The following NRG3 variants were observed in gnomAD, a reference collection of about 807,000 sequenced individuals.
NRG3 encodes the protein pro-neuregulin-3, membrane-bound isoform.
NRG3 carries 31 observed loss-of-function variants against 66.9 expected under a neutral mutation model. The observed-to-expected ratio is 0.46, with a 90% CI of 0.35 to 0.63. The LOEUF is 0.63. NRG3 is among the 20% of genes least tolerant of loss of function. NRG3 has a pLI of 0.00. For missense variants in NRG3, 910 were observed against 878.9 expected (o/e 1.04, Z -0.45); for synonymous variants, 393 against 359.4 (o/e 1.09, Z -1.06).
intron 1 of NRG3, among the ~76,000 whole-genome samples, chr10:82,354,784 C>T (rs1378176208): frequency 1.3e-5 from 2 of 152,146 alleles, no homozygotes; most frequent in African/African-American, 2.4e-5. Context: ...CTGCTCTGCT[C>T]AGTGGAAGCA....
At chr10:82,165,419 A>T (rs1389178334) in intron 1 of NRG3, among the ~76,000 whole-genome samples, 3 of 152,082 alleles carry the variant, frequency 2.0e-5, no homozygotes, top group Non-Finnish European at 4.4e-5. Context: ...GAATAGTGCA[A>T]TTTATAATAA....
intron 2 of NRG3, among the ~76,000 whole-genome samples, chr10:82,542,650 T>A (rs181206070): frequency 5.6e-4 from 85 of 152,310 alleles, no homozygotes; most frequent in African/African-American, 1.9e-3. Flanking sequence ...AAACTAAATC[T>A]TGGAACAGCT....
chr10:82,408,936 T>A (rs890869259), intron 2 of NRG3, among the ~76,000 whole-genome samples: 4 of 152,192 alleles, frequency 2.6e-5, no homozygotes, highest in Non-Finnish European at 5.9e-5. Context: ...GAATTTCATT[T>A]TAATAAGTGA....
At chr10:82,747,853 A>G (rs1249451412) in intron 3 of NRG3, among the ~76,000 whole-genome samples, 1 of 151,878 alleles carries the variant, frequency 6.6e-6, no homozygotes, top group Non-Finnish European at 1.5e-5. Flanking sequence ...AGTAGTTCAT[A>G]TGGGCTAATG....
chr10:82,455,887 G>A (rs905877214), intron 2 of NRG3, among the ~76,000 whole-genome samples: 2 of 151,916 alleles, frequency 1.3e-5, no homozygotes, highest in Non-Finnish European at 2.9e-5. Context: ...CAAAGTGCTG[G>A]GAGTACAGGC....
Position 82,600,081 on chromosome 10 carries a change from A to G in NRG3, c.954-138496A>G, listed in dbSNP as rs1168266845. 2.6e-5 allele frequency among the ~76,000 whole-genome samples: 4 copies of G among 152,162 alleles called. No individual in the cohort carries two copies. The East Asian group carries it at 7.7e-4, about 29-fold the overall frequency. On this transcript the variant is annotated intron_variant, in intron 2 of 8. Coordinates refer to ENST00000372141, the MANE Select transcript of NRG3 (RefSeq NM_001010848.4). ...TGTTTACATGATCTAATTGATTGTT[A>G]AGCATCTAGTATAAATTTGTTGAAA... is the stretch of plus-strand genomic sequence containing the variant.
At chr10:82,939,758 G>A (rs1220075670) in intron 4 of NRG3, among the ~76,000 whole-genome samples, 6 of 151,846 alleles carry the variant, frequency 4.0e-5, no homozygotes, top group Non-Finnish European at 5.9e-5. Flanking sequence ...TGTGAGCCAC[G>A]GCGCCCCACC....
intron 2 of NRG3, among the ~76,000 whole-genome samples, chr10:82,637,455 T>C (rs772522432): frequency 3.3e-5 from 5 of 152,180 alleles, no homozygotes; most frequent in Non-Finnish European, 5.9e-5. Flanking sequence ...TGAATCTACA[T>C]TGAAGAGGCC....
At chr10:82,194,562 G>A (rs946459902) in intron 1 of NRG3, among the ~76,000 whole-genome samples, 1 of 152,046 alleles carries the variant, frequency 6.6e-6, no homozygotes, top group Non-Finnish European at 1.5e-5. Context: ...GTGACAGTAG[G>A]AGGACTGCTG....
intron 1 of NRG3, among the ~76,000 whole-genome samples, chr10:82,087,128 G>T (rs947408377): frequency 5.9e-5 from 9 of 152,172 alleles, no homozygotes; most frequent in African/African-American, 2.2e-4. Flanking sequence ...GTAAAAAGCA[G>T]TTCTGATAGA....
chr10:82,067,439 C>G (rs2064545177), intron 1 of NRG3, among the ~76,000 whole-genome samples: 1 of 152,192 alleles, frequency 6.6e-6, no homozygotes, highest in Non-Finnish European at 1.5e-5. Context: ...ACCTTCTCTC[C>G]CCGGTTCAAG....
At chr10:82,519,418 A>C (rs914551342) in intron 2 of NRG3, among the ~76,000 whole-genome samples, 3 of 152,190 alleles carry the variant, frequency 2.0e-5, no homozygotes, top group African/African-American at 7.2e-5. Context: ...TTGTTCTGAA[A>C]ATTTAGCAAT....
intron 2 of NRG3, among the ~76,000 whole-genome samples, chr10:82,403,710 C>T (rs1056868940): frequency 6.6e-6 from 1 of 152,110 alleles, no homozygotes; most frequent in South Asian, 2.1e-4. Flanking sequence ...GTGCAGAATT[C>T]TTTGTCGAGT....
chr10:82,276,357 C>T (rs768186007), intron 1 of NRG3, among the ~76,000 whole-genome samples: 2 of 151,950 alleles, frequency 1.3e-5, no homozygotes, highest in Non-Finnish European at 2.9e-5. Flanking sequence ...AAATGTACTT[C>T]TTATTCTCAA....
chr10:82,121,786 G>C (rs1164267751), intron 1 of NRG3, among the ~76,000 whole-genome samples: 1 of 152,076 alleles, frequency 6.6e-6, no homozygotes. Context: ...TGGGACTACA[G>C]GTACATGCCT....
At chr10:82,561,426 C>T (rs963075601) in intron 2 of NRG3, among the ~76,000 whole-genome samples, 6 of 152,236 alleles carry the variant, frequency 3.9e-5, no homozygotes, top group South Asian at 2.1e-4. Context: ...CTGAGGTGGA[C>T]GGATCCCCTG....
chr10:82,548,867 G>T (rs764385616), intron 2 of NRG3, among the ~76,000 whole-genome samples: 1 of 152,174 alleles, frequency 6.6e-6, no homozygotes, highest in African/African-American at 2.4e-5. Context: ...GGCAGAAGGC[G>T]TGTGGTCAGC....
At chr10:82,258,938 G>A (rs1001326525) in intron 1 of NRG3, among the ~76,000 whole-genome samples, 1 of 152,172 alleles carries the variant, frequency 6.6e-6, no homozygotes, top group Admixed American at 6.6e-5. Context: ...AGAAACAAAA[G>A]CAGCTGTGGA....
At chr10:81,900,406 C>T (rs188982665) in intron 1 of NRG3, among the ~76,000 whole-genome samples, 5 of 152,324 alleles carry the variant, frequency 3.3e-5, no homozygotes, top group Admixed American at 3.3e-4. Flanking sequence ...TAAATTACTC[C>T]AGAAATTAAG....
Sources: allele counts gnomAD v4.1 joint callset (sites outside exome capture counted in the v4.1 genomes callset), GRCh38; gene constraint gnomAD v4.1.1; transcripts MANE v1.5; gene names NCBI Gene and HGNC (gene_info 2026-07-23, HGNC 2026-07-21).